Variants in PDZRN3 observed in about 807,000 individuals in gnomAD.
The protein encoded by PDZRN3 is E3 ubiquitin-protein ligase PDZRN3.
In PDZRN3, 38 loss-of-function variants were observed where a neutral mutation model predicts 85.7. The observed-to-expected ratio is 0.44, with a 90% CI of 0.34 to 0.58. The LOEUF (loss-of-function observed/expected upper bound fraction) is 0.58. Ranked by LOEUF, PDZRN3 falls within the 20% of genes least tolerant of loss-of-function variation. The probability of loss-of-function intolerance (pLI) is 0.01; values close to 1 mark genes in which losing one functional copy is unlikely to be tolerated. For synonymous variants in PDZRN3, 759 were observed against 638.0 expected, an observed-to-expected ratio of 1.19 and a Z score of -2.86; for missense variants, 1,629 against 1,506.4, an observed-to-expected ratio of 1.08 and a Z score of -1.35.
At chr3:73,589,079 G>C (rs929721088) in intron 3 of PDZRN3, among the ~76,000 whole-genome samples, 49 of 147,208 alleles carry the variant, frequency 3.3e-4, no homozygotes, top group African/African-American at 1.1e-3. Flanking sequence ...ACAGAGTCTC[G>C]TTCTGTCCCC....
At chr3:73,502,353 A>G (rs1331226311) in intron 3 of PDZRN3, among the ~76,000 whole-genome samples, 1 of 152,214 alleles carries the variant, frequency 6.6e-6, no homozygotes, top group Non-Finnish European at 1.5e-5. Context: ...TTTTATTTTA[A>G]AAAGATTCCA....
chr3:73,411,379 T>G (rs1701963380), intron 3 of PDZRN3, among the ~76,000 whole-genome samples: 1 of 152,208 alleles, frequency 6.6e-6, no homozygotes, highest in Non-Finnish European at 1.5e-5. Flanking sequence ...TGGCTTTTCT[T>G]GGATAACTGA....
chr3:73,606,814 ATTGT>A (rs897989218), intron 2 of PDZRN3, among the ~76,000 whole-genome samples: 20 of 152,200 alleles, frequency 1.3e-4, no homozygotes, highest in Non-Finnish European at 2.2e-4. Flanking sequence ...ATAATAAGCC[ATTGT>A]TTGTTTCTTT....
intron 6 of PDZRN3, 32 bp downstream of exon 6, chr3:73,390,986 G>C (rs976077005): frequency 7.1e-7 from 1 of 1,416,226 alleles, no homozygotes; most frequent in Non-Finnish European, 9.9e-7. Flanking sequence ...GTCTTGATAC[G>C]ATAGTTAGAA....
intron 3 of PDZRN3, 107 bp downstream of exon 3, chr3:73,602,247 C>A: frequency 3.0e-6 from 2 of 669,924 alleles, no homozygotes; most frequent in Non-Finnish European, 5.4e-6. Context: ...CCCGCTCAAC[C>A]ATCTACCACT....
chr3:73,404,177 G>T lies in PDZRN3; in HGVS notation c.1137C>A (p.Pro379=), dbSNP rs749686351. Reference sequence around the variant, plus strand: ...CTGGCAAGAGATAGGGATCCAGCACGGGTGGGCTGGGAGAGGACATCTTAG... The same window carrying T: ...CTGGCAAGAGATAGGGATCCAGCACTGGTGGGCTGGGAGAGGACATCTTAG... ...ALTKMSSPSP[P]VLDPYLLPEE... The change falls in exon 4 of 10, where the codon CCC becomes CCA. Residue 379 remains proline (P), a synonymous_variant. Coordinates refer to ENST00000263666, the MANE Select transcript of PDZRN3 (RefSeq NM_015009.3). The T allele has an allele frequency of 6.2e-7, 1 of 1,613,628 alleles. No homozygotes were observed. The highest frequency in any genetic ancestry group is 1.3e-5 in the African/African-American group (1 of 74,908).
intron 3 of PDZRN3, among the ~76,000 whole-genome samples, chr3:73,532,079 G>GC (rs1279208379): frequency 6.6e-6 from 1 of 152,110 alleles, no homozygotes; most frequent in Non-Finnish European, 1.5e-5. Context: ...TTGGCTCACT[G>GC]CAAGCTCTGC....
At position 73,608,365 on chromosome 3, in the gene PDZRN3, C is replaced by CA. The variant is rs1702633492; in HGVS notation, c.810+232dup. On this transcript the variant is annotated intron_variant, in intron 2 of 9. Transcript: ENST00000263666. ...CCTAACAAAAAAAGAAATGCACCCC[C>CA]AAAACCAAACAGTTTAAATTAGCTG... is the stretch of plus-strand genomic sequence containing the variant. Among the ~76,000 whole-genome samples the CA allele has an allele frequency of 2.0e-5, 3 of 149,404 alleles. No individual in the cohort carries two copies. The South Asian group carries it at 6.2e-4, about 31-fold the overall frequency.
chr3:73,559,709 G>A (rs1239933581), intron 3 of PDZRN3, among the ~76,000 whole-genome samples: 1 of 152,174 alleles, frequency 6.6e-6, no homozygotes, highest in Non-Finnish European at 1.5e-5. Flanking sequence ...TTAAAAGAGG[G>A]GATTTAAATA....
chr3:73,404,621 G>A (rs895991899), intron 3 of PDZRN3: 21 of 499,876 alleles, frequency 4.2e-5, no homozygotes, highest in East Asian at 1.6e-4. Flanking sequence ...ATCTCACAGC[G>A]GGAAGGCTTA....
chr3:73,511,678 G>A (rs753865142), intron 3 of PDZRN3, among the ~76,000 whole-genome samples: 3 of 152,180 alleles, frequency 2.0e-5, no homozygotes, highest in Non-Finnish European at 2.9e-5. Flanking sequence ...CAGACAAAGC[G>A]GGGCATGTTG....
chr3:73,569,952 A>C (rs1187959431), intron 3 of PDZRN3, among the ~76,000 whole-genome samples: 1 of 152,186 alleles, frequency 6.6e-6, no homozygotes, highest in East Asian at 1.9e-4. Context: ...GGCAGACAGG[A>C]GTTGGGTGAC....
At chr3:73,589,411 CT>C (rs1416143084) in intron 3 of PDZRN3, among the ~76,000 whole-genome samples, 1 of 152,128 alleles carries the variant, frequency 6.6e-6, no homozygotes, top group Non-Finnish European at 1.5e-5. Context: ...TTGTTATGGG[CT>C]TAACTTTCAA....
chr3:73,486,214 C>T (rs1182239511), intron 3 of PDZRN3, among the ~76,000 whole-genome samples: 3 of 152,128 alleles, frequency 2.0e-5, no homozygotes, highest in African/African-American at 4.8e-5. Context: ...GGGAATGGCT[C>T]GCTTTTAGGT....
At chr3:73,605,361 A>G (rs1463639608) in intron 2 of PDZRN3, among the ~76,000 whole-genome samples, 1 of 152,220 alleles carries the variant, frequency 6.6e-6, no homozygotes, top group Non-Finnish European at 1.5e-5. Flanking sequence ...TGAGTAAGAG[A>G]GAAATGAAAG....
intron 3 of PDZRN3, among the ~76,000 whole-genome samples, chr3:73,567,426 CAA>C (rs2106844402): frequency 6.6e-6 from 1 of 152,150 alleles, no homozygotes; most frequent in East Asian, 1.9e-4. Context: ...AATAAAAGTT[CAA>C]AATCATGACC....
chr3:73,552,758 T>C (rs1701592896), intron 3 of PDZRN3, among the ~76,000 whole-genome samples: 1 of 152,254 alleles, frequency 6.6e-6, no homozygotes. Flanking sequence ...GTATGATTAA[T>C]AAACACTGTT....
In PDZRN3 at chr3:73,384,132, T is replaced by A. The variant is rs768572223; in HGVS notation, c.2434A>T (p.Thr812Ser). The stretch of plus-strand genomic sequence containing the variant: ...GGGGTGCCCACTTCGGGATCTTCCG[T>A]GATGGAGAGCAGATTCTTGGAGGCT... ...GPASKNLLSI[T>S]EDPEVGTPTY... Residue 812 changes from threonine (T) to serine (S), a missense_variant, in exon 10 of 10, where the codon ACG (threonine) becomes TCG (serine). Coordinates refer to ENST00000263666, the MANE Select transcript of PDZRN3 (RefSeq NM_015009.3). 1.9e-6 allele frequency: 3 copies of A among 1,613,920 alleles called. No homozygotes were observed. Among genetic ancestry groups the A allele is most frequent in the East Asian group, 4.5e-5 (2 of 44,830 alleles).
intron 3 of PDZRN3, among the ~76,000 whole-genome samples, chr3:73,527,550 T>A (rs918933061): frequency 2.0e-5 from 3 of 152,136 alleles, no homozygotes; most frequent in African/African-American, 7.2e-5. Flanking sequence ...AATCTGACTG[T>A]CAGCCTCGCT....
Sources: gnomAD v4.1 joint callset for allele counts (sites outside exome capture counted in the v4.1 genomes callset) on GRCh38, gnomAD v4.1.1 for gene constraint, MANE v1.5 for transcripts, NCBI Gene and HGNC (gene_info 2026-07-23, HGNC 2026-07-21) for gene names.